Variants in CPNE8 observed in about 807,000 individuals in gnomAD.
CPNE8 encodes the protein copine 8.
A neutral mutation model predicts 81.5 loss-of-function variants in CPNE8; 45 were observed. The observed-to-expected ratio is 0.55, with a 90% CI of 0.44 to 0.71. The LOEUF is 0.71. CPNE8 is among the 30% of genes least tolerant of loss of function. CPNE8 has a pLI of 0.00. For synonymous variants in CPNE8, 252 were observed against 226.3 expected (o/e 1.11, Z -1.02); for missense variants, 594 against 672.1 (o/e 0.88, Z 1.28).
intron 13 of CPNE8, among the ~76,000 whole-genome samples, chr12:38,714,643 G>A (rs1370711942): frequency 1.3e-5 from 2 of 151,268 alleles, no homozygotes; most frequent in East Asian, 1.9e-4. Context: ...AAAAAAAAAA[G>A]ATCTAAAAAT....
chr12:38,817,569 A>G (rs1305955735), intron 6 of CPNE8, among the ~76,000 whole-genome samples: 1 of 150,426 alleles, frequency 6.6e-6, no homozygotes, highest in African/African-American at 2.4e-5. Flanking sequence ...TACTAAAGTG[A>G]TACCAAATTT....
chr12:38,767,602 C>T lies in CPNE8; in HGVS notation c.575+33G>A, dbSNP rs187754569. ...ATTATAATTCAAGTATCATCATTAC[C>T]ATATAGTTGAAATGCATAAAAGATA... On this transcript the variant is annotated intron_variant, in intron 8 of 19. Coordinates refer to ENST00000331366, the MANE Select transcript of CPNE8 (RefSeq NM_153634.3). 877 of 1,221,546 alleles carry T rather than the reference C, an allele frequency of 7.2e-4. 3 individuals carry two copies. The African/African-American group carries it at 0.011, about 16-fold the overall frequency. 75.7% of individuals were successfully genotyped at this position (1,221,546 alleles called of 1,614,324 possible). A position where few individuals can be genotyped will look rare whatever the true frequency, so the allele number is the denominator to read the frequency against.
intron 6 of CPNE8, among the ~76,000 whole-genome samples, chr12:38,828,097 C>T (rs1199795199): frequency 6.6e-6 from 1 of 152,134 alleles, no homozygotes; most frequent in Non-Finnish European, 1.5e-5. Context: ...ATGTTAAAGG[C>T]ATCTTTAAGG....
chr12:38,739,550 C>T (rs920616194), intron 10 of CPNE8, among the ~76,000 whole-genome samples: 8 of 152,070 alleles, frequency 5.3e-5, no homozygotes, highest in Admixed American at 4.6e-4. Context: ...ATATCCTTGC[C>T]GTCCTGCAAA....
rs1473161532 is a variant in CPNE8 at position 38,902,350 on chromosome 12, AAG to A, written c.98+3085_98+3086del. ...AAAGAAAGAAAGAAAGAAAGAAAGAAAGAAAGAAAGAAAGAAAGAAAGAAAGA... is the reference window on the plus strand; with the variant it reads ...AAAGAAAGAAAGAAAGAAAGAAAGAAAAAGAAAGAAAGAAAGAAAGAAAGA... On this transcript the variant is annotated intron_variant, in intron 1 of 19. Coordinates refer to ENST00000331366, the MANE Select transcript of CPNE8 (RefSeq NM_153634.3). Among the ~76,000 whole-genome samples the A allele has an allele frequency of 3.2e-4, 31 of 96,514 alleles. 1 individual carries two copies. Among genetic ancestry groups the A allele is most frequent in the African/African-American group, 1.8e-3 (29 of 15,730 alleles). 63.3% of individuals were successfully genotyped at this position (96,514 alleles called of 152,430 possible).
At chr12:38,667,946 C>T (rs1381960066) in intron 19 of CPNE8, among the ~76,000 whole-genome samples, 10 of 152,134 alleles carry the variant, frequency 6.6e-5, no homozygotes, top group Admixed American at 1.3e-4. Flanking sequence ...TACAGGCGCC[C>T]GCCACCACAC....
intron 15 of CPNE8, among the ~76,000 whole-genome samples, chr12:38,692,322 A>C (rs1039483146): frequency 1.3e-5 from 2 of 152,062 alleles, no homozygotes; most frequent in Admixed American, 1.3e-4. Context: ...TAAACCAAAA[A>C]AAAAAGTAAG....
At chr12:38,857,704 A>C (rs1267570534) in intron 3 of CPNE8, among the ~76,000 whole-genome samples, 3 of 152,156 alleles carry the variant, frequency 2.0e-5, no homozygotes, top group Non-Finnish European at 2.9e-5. Context: ...CGAGGTCAGG[A>C]GTTCAAGACC....
rs143712670 is a variant in CPNE8 at position 38,653,924 on chromosome 12, G to A, written c.1653C>T (p.Pro551=). Residue 551 remains proline, a synonymous_variant, in exon 20 of 20, where the codon CCC becomes CCT. Coordinates refer to ENST00000331366, the MANE Select transcript of CPNE8 (RefSeq NM_153634.3). The part of the protein sequence containing the change: ...ARGIKPSPAP[P]PYTPPTHVLQ... ...ACACATGTGTAGGTGGGGTGTATGG[G>A]GGAGGCGCAGGTGATGGCTTGATTC... 16 of 1,613,568 alleles carry A rather than the reference G, an allele frequency of 9.9e-6. No homozygotes were observed. In the East Asian group the frequency reaches 3.6e-4, roughly 36 times the overall value.
intron 19 of CPNE8, among the ~76,000 whole-genome samples, chr12:38,660,302 A>G (rs1227325396): frequency 1.3e-5 from 2 of 152,220 alleles, no homozygotes; most frequent in African/African-American, 4.8e-5. Context: ...GGCCTCAGAA[A>G]TAACACCATA....
At chr12:38,786,518 T>C (rs1405304069) in intron 6 of CPNE8, among the ~76,000 whole-genome samples, 2 of 152,162 alleles carry the variant, frequency 1.3e-5, no homozygotes, top group East Asian at 1.9e-4. Context: ...TCTTCAGTTT[T>C]GGAACTTGGA....
rs73095544 is a variant in CPNE8, at chr12:38,679,140, A to G, written c.1272-1586T>C. Among the ~76,000 whole-genome samples the G allele has an allele frequency of 7.3e-3, 1,115 of 151,942 alleles. 10 individuals are homozygous for G. Among genetic ancestry groups the G allele is most frequent in the African/African-American group, 0.021 (855 of 41,542 alleles). The stretch of plus-strand genomic sequence containing the variant: ...AATGAAAGACTCTAAATAGTAGTGA[A>G]AACCTTCTTAAGTACAACAGTATAG... On this transcript the variant is annotated intron_variant, in intron 16 of 19. Transcript: ENST00000331366.
chr12:38,704,350 CTT>C (rs1372351282), intron 13 of CPNE8, among the ~76,000 whole-genome samples: 5 of 151,890 alleles, frequency 3.3e-5, no homozygotes, highest in East Asian at 1.9e-4. Context: ...CAGCATTTCT[CTT>C]TGTGTGTTTG....
intron 1 of CPNE8, among the ~76,000 whole-genome samples, chr12:38,881,113 G>A (rs1592152929): frequency 1.3e-5 from 2 of 151,360 alleles, no homozygotes; most frequent in Admixed American, 1.3e-4. Context: ...GGGAGGCTAA[G>A]ACAGGAGAAT....
intron 1 of CPNE8, 85 bp downstream of exon 1, chr12:38,905,351 AG>A: frequency 1.4e-6 from 2 of 1,454,978 alleles, no homozygotes; most frequent in Admixed American, 2.0e-5. Context: ...GCCTGCGCAA[AG>A]CCTCGTGGTA....
intron 1 of CPNE8, among the ~76,000 whole-genome samples, chr12:38,879,264 CA>C (rs1278815808): frequency 6.6e-6 from 1 of 151,956 alleles, no homozygotes; most frequent in East Asian, 1.9e-4. Flanking sequence ...TTCAAATTGC[CA>C]GATAGGAAGC....
chr12:38,880,892 T>C (rs953361529), intron 1 of CPNE8, among the ~76,000 whole-genome samples: 1 of 151,872 alleles, frequency 6.6e-6, no homozygotes, highest in African/African-American at 2.4e-5. Flanking sequence ...CCAAACTGTG[T>C]ACAGGCAAAA....
intron 1 of CPNE8, among the ~76,000 whole-genome samples, chr12:38,878,419 C>T (rs771360559): frequency 6.6e-6 from 1 of 152,134 alleles, no homozygotes; most frequent in Non-Finnish European, 1.5e-5. Context: ...CCAAAACCAT[C>T]CAAGATAAAG....
chr12:38,674,597 A>T (rs1461217373), intron 18 of CPNE8, among the ~76,000 whole-genome samples: 1 of 152,136 alleles, frequency 6.6e-6, no homozygotes, highest in Non-Finnish European at 1.5e-5. Context: ...AGATGCTAAT[A>T]GAGATAGAGA....
Sources: gnomAD v4.1 joint callset for allele counts (sites outside exome capture counted in the v4.1 genomes callset) on GRCh38, gnomAD v4.1.1 for gene constraint, MANE v1.5 for transcripts, NCBI Gene and HGNC (gene_info 2026-07-23, HGNC 2026-07-21) for gene names.